The following LOC400499 variants were observed in gnomAD, a reference collection of about 807,000 sequenced individuals.
At chr16:11,387,096 C>A in the LOC400499 span, 1 of 1,232,356 alleles carries the variant, frequency 8.1e-7, no homozygotes. Context: ...CGGCACAGCC[C>A]GGGGCAGGAC....
At chr16:11,469,452 C>T in the LOC400499 span, 1 of 399,040 alleles carries the variant, frequency 2.5e-6, no homozygotes, top group Non-Finnish European at 4.4e-6. Context: ...GGGGCCCTGC[C>T]CCGGGTGTGG....
chr16:11,481,758 G>A, the LOC400499 span, among the ~76,000 whole-genome samples: 67 of 152,182 alleles, frequency 4.4e-4, no homozygotes, highest in African/African-American at 1.6e-3. Context: ...TCAGCCTCCA[G>A]AATATCTGGT....
chr16:11,497,810 A>T, the LOC400499 span, among the ~76,000 whole-genome samples: 1 of 144,094 alleles, frequency 6.9e-6, no homozygotes, highest in African/African-American at 2.6e-5. Flanking sequence ...AGAGAAGAAC[A>T]AACAATTTTG....
the LOC400499 span, among the ~76,000 whole-genome samples, chr16:11,438,069 C>G: frequency 4.6e-5 from 7 of 152,160 alleles, no homozygotes; most frequent in Admixed American, 2.0e-4. Flanking sequence ...CTCTAAATCT[C>G]AGAGCCTCAC....
the LOC400499 span, among the ~76,000 whole-genome samples, chr16:11,443,787 A>G: frequency 6.6e-6 from 1 of 152,128 alleles, no homozygotes; most frequent in South Asian, 2.1e-4. Flanking sequence ...CTAGGGAGCC[A>G]CATGTCAAGA....
At chr16:11,385,151 A>G in the LOC400499 span, 17 of 1,230,102 alleles carry the variant, frequency 1.4e-5, no homozygotes, top group Admixed American at 8.4e-5. Flanking sequence ...GCGACCTGCC[A>G]TGGGCACAGG....
At chr16:11,393,583 T>C in the LOC400499 span, 1 of 1,232,120 alleles carries the variant, frequency 8.1e-7, no homozygotes, top group Admixed American at 4.2e-5. Context: ...GGCAGAGGCC[T>C]GAGTGGAGCC....
the LOC400499 span, chr16:11,404,882 G>A: frequency 3.5e-5 from 14 of 398,894 alleles, no homozygotes; most frequent in African/African-American, 6.2e-5. Flanking sequence ...AGAGAATGAC[G>A]GCGTCATGGG....
the LOC400499 span, chr16:11,385,217 A>T: frequency 3.2e-6 from 4 of 1,232,118 alleles, no homozygotes; most frequent in African/African-American, 6.2e-5. Flanking sequence ...TCACCTGCAG[A>T]CTGGGGTAGA....
At chr16:11,492,629 A>T in the LOC400499 span, among the ~76,000 whole-genome samples, 1 of 151,792 alleles carries the variant, frequency 6.6e-6, no homozygotes, top group Non-Finnish European at 1.5e-5. Flanking sequence ...CTAAAATTAC[A>T]AAAAAATTAG....
At chr16:11,433,603 G>C in the LOC400499 span, among the ~76,000 whole-genome samples, 75 of 152,188 alleles carry the variant, frequency 4.9e-4, no homozygotes, top group Non-Finnish European at 5.9e-4. Context: ...GTGACTCTTG[G>C]TGGGTTCCTG....
the LOC400499 span, chr16:11,391,906 G>A: frequency 9.4e-6 from 10 of 1,060,884 alleles, no homozygotes; most frequent in Non-Finnish European, 1.2e-5. Flanking sequence ...GTCCAGGGCA[G>A]AGAGAGCCCC....
chr16:11,527,372 C>A, the LOC400499 span, among the ~76,000 whole-genome samples: 1 of 151,938 alleles, frequency 6.6e-6, no homozygotes, highest in African/African-American at 2.4e-5. Flanking sequence ...GTTATTAGCA[C>A]CCCGCCCGAC....
the LOC400499 span, among the ~76,000 whole-genome samples, chr16:11,514,738 A>C: frequency 6.6e-6 from 1 of 152,188 alleles, no homozygotes; most frequent in Non-Finnish European, 1.5e-5. Flanking sequence ...TTGTGGCAAC[A>C]TCAGCCCAGG....
chr16:11,436,413 G>A, the LOC400499 span, among the ~76,000 whole-genome samples: 1 of 152,066 alleles, frequency 6.6e-6, no homozygotes, highest in African/African-American at 2.4e-5. Context: ...AGGGAGCAGT[G>A]GGGAGGGGAG....
chr16:11,510,625 C>T, the LOC400499 span, among the ~76,000 whole-genome samples: 2 of 151,634 alleles, frequency 1.3e-5, no homozygotes, highest in African/African-American at 4.9e-5. Flanking sequence ...GTGTCAGCCT[C>T]AGGGTGGCAG....
At chr16:11,388,338 G>A in the LOC400499 span, among the ~76,000 whole-genome samples, 1 of 152,202 alleles carries the variant, frequency 6.6e-6, no homozygotes, top group Non-Finnish European at 1.5e-5. Flanking sequence ...CAGGAAGGCA[G>A]GAGCAGGAAC....
chr16:11,387,233 G>A, the LOC400499 span: 1 of 1,232,344 alleles, frequency 8.1e-7, no homozygotes, highest in East Asian at 3.2e-5. Flanking sequence ...GGTCACCCGG[G>A]CCACGTCCAG....
the LOC400499 span, among the ~76,000 whole-genome samples, chr16:11,455,431 T>C: frequency 2.6e-5 from 4 of 152,104 alleles, no homozygotes; most frequent in South Asian, 6.2e-4. Context: ...TGCTTACTGT[T>C]TTAAGCAAGA....
Sources: allele counts gnomAD v4.1 joint callset (sites outside exome capture counted in the v4.1 genomes callset), GRCh38; gene constraint gnomAD v4.1.1; transcripts MANE v1.5.